Variants in RGL1 observed in about 807,000 individuals in gnomAD.
RGL1 encodes the protein ral guanine nucleotide dissociation stimulator-like 1.
RGL1 carries 24 observed loss-of-function variants against 95.2 expected under a neutral mutation model. The ratio of observed to expected loss-of-function variants is 0.25; its 90% CI spans 0.18 to 0.35. RGL1 has a LOEUF of 0.35. Among genes scored for constraint, RGL1 ranks in the 10% least tolerant of loss-of-function variants. RGL1 has a pLI of 1.00. For synonymous variants in RGL1, 329 were observed against 344.9 expected (o/e 0.95, Z 0.51); for missense variants, 715 against 936.3 (o/e 0.76, Z 3.08).
intron 1 of RGL1, among the ~76,000 whole-genome samples, chr1:183,684,732 A>T (rs145043598): frequency 0.01 from 1,585 of 152,218 alleles, 32 homozygotes; most frequent in African/African-American, 0.036. Context: ...GACCCGAGGG[A>T]ATCTCCTGGT....
intron 2 of RGL1, among the ~76,000 whole-genome samples, chr1:183,786,086 T>A (rs1660165524): frequency 6.6e-6 from 1 of 151,720 alleles, no homozygotes; most frequent in Non-Finnish European, 1.5e-5. Flanking sequence ...AATCAATCAA[T>A]CAATCAATGA....
intron 2 of RGL1, among the ~76,000 whole-genome samples, chr1:183,794,107 C>T (rs1011079982): frequency 8.0e-5 from 12 of 149,512 alleles, no homozygotes; most frequent in Admixed American, 3.3e-4. Flanking sequence ...TACTATTCAG[C>T]CATAAAAAAA....
intron 1 of RGL1, among the ~76,000 whole-genome samples, chr1:183,691,208 G>T (rs1039682473): frequency 1.3e-5 from 2 of 152,172 alleles, no homozygotes; most frequent in African/African-American, 4.8e-5. Flanking sequence ...ACATGACTTG[G>T]TTATTTGCCA....
At chr1:183,696,611 C>T (rs1411248762) in intron 1 of RGL1, among the ~76,000 whole-genome samples, 1 of 152,158 alleles carries the variant, frequency 6.6e-6, no homozygotes, top group African/African-American at 2.4e-5. Context: ...CCAGCCCAGG[C>T]CTCTATCTGA....
At chr1:183,660,915 G>C (rs1447086714) in intron 1 of RGL1, among the ~76,000 whole-genome samples, 1 of 152,002 alleles carries the variant, frequency 6.6e-6, no homozygotes, top group Non-Finnish European at 1.5e-5. Context: ...ACTCAAAACC[G>C]CTCAACTACA....
chr1:183,802,071 A>G (rs1661023263), upstream of RGL1, among the ~76,000 whole-genome samples: 1 of 152,246 alleles, frequency 6.6e-6, no homozygotes, highest in African/African-American at 2.4e-5. Context: ...CTTATGTTTA[A>G]GTCTGCAATC....
intron 1 of RGL1, among the ~76,000 whole-genome samples, chr1:183,735,431 G>T (rs1656879826): frequency 6.6e-6 from 1 of 152,080 alleles, no homozygotes. Flanking sequence ...TTTTTTAAAA[G>T]GGTGATGGAG....
At chr1:183,690,001 G>C (rs1572280314) in intron 1 of RGL1, among the ~76,000 whole-genome samples, 1 of 152,328 alleles carries the variant, frequency 6.6e-6, no homozygotes, top group South Asian at 2.1e-4. Flanking sequence ...TTGACTGTGT[G>C]TCTATGAGGA....
chr1:183,640,866 G>A (rs1204547494), intron 1 of RGL1, among the ~76,000 whole-genome samples: 2 of 152,052 alleles, frequency 1.3e-5, no homozygotes, highest in Non-Finnish European at 2.9e-5. Context: ...TTTCAATTTC[G>A]TTGGTATTTC....
intron 4 of RGL1, among the ~76,000 whole-genome samples, chr1:183,868,738 A>T (rs958561075): frequency 6.6e-6 from 1 of 152,218 alleles, no homozygotes; most frequent in Non-Finnish European, 1.5e-5. Context: ...ACATGTTATT[A>T]TACACATATT....
chr1:183,891,729 A>C (rs1558275989), intron 8 of RGL1, among the ~76,000 whole-genome samples: 1 of 147,008 alleles, frequency 6.8e-6, no homozygotes. Flanking sequence ...CTGTGTGTGT[A>C]ACAGTTTTTT....
At chr1:183,871,766 C>T (rs1666198217) in intron 4 of RGL1, among the ~76,000 whole-genome samples, 1 of 152,222 alleles carries the variant, frequency 6.6e-6, no homozygotes, top group African/African-American at 2.4e-5. Flanking sequence ...TAGTGTTCTT[C>T]ATGCATTTAA....
chr1:183,846,501 C>T (rs1367942171), intron 2 of RGL1, among the ~76,000 whole-genome samples: 1 of 150,278 alleles, frequency 6.7e-6, no homozygotes, highest in African/African-American at 2.5e-5. Context: ...ACCTATGTAA[C>T]AAACCTGCAT....
chr1:183,661,661 G>C (rs1174668), intron 1 of RGL1, among the ~76,000 whole-genome samples: 52,214 of 140,568 alleles, frequency 0.37, 10,887 homozygotes, highest in Middle Eastern at 0.42. Context: ...CCTTCTGAAA[G>C]TATTCCAATC....
At chr1:183,762,401 G>A (rs139688673) in intron 2 of RGL1, among the ~76,000 whole-genome samples, 1 of 152,332 alleles carries the variant, frequency 6.6e-6, no homozygotes, top group East Asian at 1.9e-4. Flanking sequence ...GAGAGACAAG[G>A]GAACAGCCAG....
intron 2 of RGL1, among the ~76,000 whole-genome samples, chr1:183,846,356 A>T (rs1664429913): frequency 6.6e-6 from 1 of 151,932 alleles, no homozygotes. Context: ...GGACATATGG[A>T]CACAGAGAGG....
At chr1:183,880,117 G>T (rs1330518672) in intron 4 of RGL1, among the ~76,000 whole-genome samples, 1 of 152,186 alleles carries the variant, frequency 6.6e-6, no homozygotes, top group Non-Finnish European at 1.5e-5. Context: ...CTGAAGCCCT[G>T]GTGATCCTTG....
chr1:183,692,933 A>G (rs1654036277), intron 1 of RGL1, among the ~76,000 whole-genome samples: 1 of 152,074 alleles, frequency 6.6e-6, no homozygotes, highest in African/African-American at 2.4e-5. Context: ...AAAAGCAAAA[A>G]ATGCTAGCAG....
intron 1 of RGL1, chr1:183,647,815 G>A (rs773738815): frequency 1.9e-6 from 3 of 1,614,118 alleles, no homozygotes; most frequent in Admixed American, 1.7e-5. Context: ...GACATTTGAG[G>A]CATATTTAAG....
Sources: allele counts gnomAD v4.1 joint callset (sites outside exome capture counted in the v4.1 genomes callset), GRCh38; gene constraint gnomAD v4.1.1; transcripts MANE v1.5; gene names NCBI Gene and HGNC (gene_info 2026-07-23, HGNC 2026-07-21).